The following RTN3 variants were observed in gnomAD, a reference collection of about 807,000 sequenced individuals.
RTN3 encodes the protein reticulon 3.
RTN3 carries 49 observed loss-of-function variants against 77.8 expected under a neutral mutation model. That is an observed-to-expected ratio of 0.63 (90% confidence interval 0.50 to 0.80). The LOEUF is 0.80. Ranked by LOEUF, RTN3 falls within the 30% of genes least tolerant of loss-of-function variation. RTN3 has a pLI of 0.00. For synonymous variants in RTN3, 464 were observed against 446.9 expected, an observed-to-expected ratio of 1.04 and a Z score of -0.48; for missense variants, 1,236 against 1,211.9, an observed-to-expected ratio of 1.02 and a Z score of -0.29.
At chr11:63,756,212 CT>C in intron 8 of RTN3, 42 bp downstream of exon 8, 1 of 1,354,002 alleles carries the variant, frequency 7.4e-7, no homozygotes, top group Non-Finnish European at 1.1e-6. Context: ...GGTATGCTTC[CT>C]TCCCCCCAAT....
intron 3 of RTN3, among the ~76,000 whole-genome samples, chr11:63,748,459 G>T (rs976454993): frequency 6.8e-6 from 1 of 147,530 alleles, no homozygotes; most frequent in Non-Finnish European, 1.5e-5. Context: ...GTGATTTCTC[G>T]TGCCTCAGCC....
chr11:63,712,366 CATTTA>C (rs1353664648), intron 2 of RTN3, among the ~76,000 whole-genome samples: 2 of 152,096 alleles, frequency 1.3e-5, no homozygotes, highest in Non-Finnish European at 1.5e-5. Flanking sequence ...TGTATTAACT[CATTTA>C]ATCCTCACAG....
chr11:63,758,341 C>T lies in RTN3; in HGVS notation c.*140C>T. 2 of 1,610,510 alleles carry T rather than the reference C, an allele frequency of 1.2e-6. No homozygotes were observed. The highest frequency in any genetic ancestry group is 1.7e-6 in the Non-Finnish European group (2 of 1,179,094). ...TTTTTTTTTAATTTGGTGTTTTCTC[C>T]CATCCTTTCCCTTTAACCCTCAGTA... On this transcript the variant is annotated 3_prime_UTR_variant, in exon 9 of 9. Coordinates refer to ENST00000377819, the MANE Select transcript of RTN3 (RefSeq NM_001265589.2).
chr11:63,736,847 A>C (rs895002436), intron 3 of RTN3, among the ~76,000 whole-genome samples: 1 of 152,194 alleles, frequency 6.6e-6, no homozygotes, highest in Non-Finnish European at 1.5e-5. Flanking sequence ...TATATAACTC[A>C]AATGCAAAAA....
At chr11:63,684,801 C>T (rs182627325) in intron 1 of RTN3, among the ~76,000 whole-genome samples, 38 of 152,004 alleles carry the variant, frequency 2.5e-4, no homozygotes, top group Admixed American at 2.4e-3. Context: ...GCTCTGTAGC[C>T]CAGGCTGGAG....
intron 3 of RTN3, among the ~76,000 whole-genome samples, chr11:63,741,637 CT>C (rs35159646): frequency 0.13 from 19,297 of 151,834 alleles, 1,319 homozygotes; most frequent in South Asian, 0.16. Flanking sequence ...GTAGCTGAAA[CT>C]TACAGGTATG....
At chr11:63,685,061 A>C (rs1027980432) in intron 1 of RTN3, among the ~76,000 whole-genome samples, 34 of 152,308 alleles carry the variant, frequency 2.2e-4, no homozygotes, top group Non-Finnish European at 4.1e-4. Context: ...AGCCCAGCCA[A>C]GAGACTCTTA....
intron 3 of RTN3, chr11:63,746,950 C>G (rs754028587): frequency 4.4e-6 from 2 of 456,014 alleles, no homozygotes; most frequent in Admixed American, 4.7e-5. Context: ...TTTCCAGAGT[C>G]CAGTCTAGGA....
intron 3 of RTN3, among the ~76,000 whole-genome samples, chr11:63,742,543 G>A (rs565702468): frequency 2.0e-5 from 3 of 152,038 alleles, no homozygotes; most frequent in Admixed American, 2.0e-4. Context: ...TACTTTGGGA[G>A]GCTCAGGCAG....
At chr11:63,727,972 T>C (rs2012402834) in intron 3 of RTN3, among the ~76,000 whole-genome samples, 1 of 152,198 alleles carries the variant, frequency 6.6e-6, no homozygotes, top group Non-Finnish European at 1.5e-5. Flanking sequence ...TTGGTGTATG[T>C]GTCGGGGTCC....
At position 63,752,446 on chromosome 11, in the gene RTN3, A is replaced by G; in HGVS notation, c.2739-61A>G. 4.6e-6 allele frequency: 7 copies of G among 1,518,328 alleles called. No homozygotes were observed. The South Asian group carries it at 8.0e-5, about 17-fold the overall frequency. The allele number at this position is 1,518,328 out of a possible 1,614,324, so 94.1% of individuals were successfully genotyped here. A position where few individuals can be genotyped will look rare whatever the true frequency, so the allele number is the denominator to read the frequency against. On this transcript the variant is annotated intron_variant, in intron 4 of 8. Transcript: ENST00000377819. ...AACCAATTTTACATTCTCAGTAACT[A>G]CTGTGCTAACAAAATCTTCTTCCAT...
chr11:63,697,741 G>A (rs927112660), intron 1 of RTN3, among the ~76,000 whole-genome samples: 1 of 152,138 alleles, frequency 6.6e-6, no homozygotes, highest in Non-Finnish European at 1.5e-5. Flanking sequence ...CTCCCAAAGT[G>A]CTGGCATTAC....
At position 63,718,702 on chromosome 11, in the gene RTN3, A is replaced by G; in HGVS notation, c.200A>G (p.Glu67Gly). 1 of 1,560,146 alleles carries G rather than the reference A, an allele frequency of 6.4e-7. No individual in the cohort carries two copies. The highest frequency in any genetic ancestry group is 8.6e-7 in the Non-Finnish European group (1 of 1,159,090). ...QPVSLFSTSQ[E>G]GLSSLCSDEP... ...TTTTTCTTTGAAATTCTGATCATAGAGGGATTGAGCTCTCTTTGCTCTGAT... is the reference window on the plus strand; with the variant it reads ...TTTTTCTTTGAAATTCTGATCATAGGGGGATTGAGCTCTCTTTGCTCTGAT... The change falls in exon 3 of 9, where the codon GAG (glutamate) becomes GGG (glycine). Residue 67 changes from glutamate to glycine, a missense_variant and splice_region_variant. Transcript: ENST00000377819.
At position 63,681,562 on chromosome 11, in the gene RTN3, GATT is replaced by G. The variant is rs1392592566; in HGVS notation, c.-71_-69del. 2 of 1,440,102 alleles carry G rather than the reference GATT, an allele frequency of 1.4e-6. No individual in the cohort carries two copies. Among genetic ancestry groups the G allele is most frequent in the African/African-American group, 2.9e-5 (2 of 68,560 alleles). The allele number at this position is 1,440,102 out of a possible 1,614,324, so 89.2% of individuals were successfully genotyped here. A position where few individuals can be genotyped will look rare whatever the true frequency, so the allele number is the denominator to read the frequency against. ...AGGGACTTGAGCGAGCCAGTTGCCG[GATT>G]ATTCTATTTCCCCTCCCTCTCTCCC... On this transcript the variant is annotated 5_prime_UTR_variant, in exon 1 of 9. Coordinates refer to ENST00000377819, the MANE Select transcript of RTN3 (RefSeq NM_001265589.2).
chr11:63,735,602 T>TCTCTCTCTCTCTTTCTC (rs1555078117), intron 3 of RTN3, among the ~76,000 whole-genome samples: 1 of 25,040 alleles, frequency 4.0e-5, no homozygotes, highest in African/African-American at 1.3e-4. Context: ...CTCTCTCTCT[T>TCTCTCTCTCTCTTTCTC]TCTTTCAACC....
intron 1 of RTN3, among the ~76,000 whole-genome samples, chr11:63,688,668 G>A (rs1267717315): frequency 6.6e-6 from 1 of 152,154 alleles, no homozygotes; most frequent in Non-Finnish European, 1.5e-5. Context: ...TGTTCATTAA[G>A]TGGCTGGTAA....
At chr11:63,688,987 C>G (rs1471929390) in intron 1 of RTN3, among the ~76,000 whole-genome samples, 1 of 152,030 alleles carries the variant, frequency 6.6e-6, no homozygotes, top group Non-Finnish European at 1.5e-5. Flanking sequence ...TAATTCTGAA[C>G]AGAATTACAA....
At position 63,710,903 on chromosome 11, in the gene RTN3, A is replaced by G. The variant is rs1309321444; in HGVS notation, c.199+5996A>G. ...GGCTGTCTTTGTGCTCGGTTATTAA[A>G]TTGTTCAGCTGGTTGTACATTGAAC... is the stretch of plus-strand genomic sequence containing the variant. On this transcript the variant is annotated intron_variant, in intron 2 of 8. Coordinates refer to ENST00000377819, the MANE Select transcript of RTN3 (RefSeq NM_001265589.2). Among the ~76,000 whole-genome samples, 4 of 152,306 alleles carry G rather than the reference A, an allele frequency of 2.6e-5. No homozygotes were observed. In the East Asian group the frequency reaches 7.7e-4, roughly 29 times the overall value.
intron 2 of RTN3, among the ~76,000 whole-genome samples, chr11:63,707,213 A>C (rs1942537278): frequency 6.6e-6 from 1 of 152,008 alleles, no homozygotes; most frequent in South Asian, 2.1e-4. Context: ...CACTTTTTTC[A>C]TATAGAAAAG....
Sources: gnomAD v4.1 joint callset for allele counts (sites outside exome capture counted in the v4.1 genomes callset) on GRCh38, gnomAD v4.1.1 for gene constraint, MANE v1.5 for transcripts, NCBI Gene and HGNC (gene_info 2026-07-23, HGNC 2026-07-21) for gene names.